Variants in CAPN5 observed in about 807,000 individuals in gnomAD.
CAPN5 encodes the protein calpain 5.
A neutral mutation model predicts 73.0 loss-of-function variants in CAPN5; 54 were observed. That is an observed-to-expected ratio of 0.74 (90% confidence interval 0.59 to 0.93). The LOEUF is 0.93. Ranked by LOEUF, CAPN5 falls within the 40% of genes least tolerant of loss-of-function variation. The pLI, the probability that CAPN5 is intolerant of heterozygous loss-of-function variation, is 0.00. For synonymous variants in CAPN5, 335 were observed against 356.9 expected (o/e 0.94, Z 0.69); for missense variants, 785 against 882.9 (o/e 0.89, Z 1.41).
intron 3 of CAPN5, among the ~76,000 whole-genome samples, chr11:77,096,299 G>A (rs1480081007): frequency 2.0e-5 from 3 of 152,094 alleles, no homozygotes; most frequent in Non-Finnish European, 2.9e-5. Flanking sequence ...CACAGGATTC[G>A]AAGCCAGCCT....
chr11:77,112,907 G>C, intron 4 of CAPN5, 110 bp downstream of exon 4: 1 of 1,017,162 alleles, frequency 9.8e-7, no homozygotes, highest in Non-Finnish European at 1.5e-6. Context: ...GAAGTGAGGG[G>C]CTGGTGCAGG....
chr11:77,103,278 G>A (rs200604796), intron 3 of CAPN5: 61 of 1,612,960 alleles, frequency 3.8e-5, no homozygotes, highest in Middle Eastern at 1.6e-4. Context: ...CACCTTTGGC[G>A]AGGGTGTGGA....
intron 4 of CAPN5, among the ~76,000 whole-genome samples, chr11:77,113,458 A>G (rs1279380438): frequency 6.6e-6 from 1 of 152,136 alleles, no homozygotes; most frequent in African/African-American, 2.4e-5. Flanking sequence ...GAGGAGGGGC[A>G]GTGGGGTCAG....
In CAPN5 at chr11:77,074,770, C is replaced by T. The variant is rs146215262; in HGVS notation, c.-36+7676C>T. Among the ~76,000 whole-genome samples, 68 of 152,298 alleles carry T rather than the reference C, an allele frequency of 4.5e-4. No homozygotes were observed. In the East Asian group the frequency reaches 9.3e-3, roughly 21 times the overall value. On this transcript the variant is annotated intron_variant, in intron 1 of 12. Coordinates refer to ENST00000648180, the MANE Select transcript of CAPN5 (RefSeq NM_004055.5). ...TTCGGCCGGCACTGGGTGATACTCA[C>T]TCTGCCAGGCCTGTGCTTTGCGCTG...
At chr11:77,108,527 C>G (rs1343804411) in intron 3 of CAPN5, among the ~76,000 whole-genome samples, 1 of 152,030 alleles carries the variant, frequency 6.6e-6, no homozygotes, top group Non-Finnish European at 1.5e-5. Context: ...GGCCAGGTGG[C>G]TGGTGTCCGT....
At chr11:77,090,681 G>T (rs539928909) in intron 2 of CAPN5, among the ~76,000 whole-genome samples, 1 of 152,194 alleles carries the variant, frequency 6.6e-6, no homozygotes, top group Non-Finnish European at 1.5e-5. Context: ...GTAAACCCTG[G>T]TGATGCCAGG....
At chr11:77,088,885 A>G (rs190263991) in intron 2 of CAPN5, among the ~76,000 whole-genome samples, 2 of 152,186 alleles carry the variant, frequency 1.3e-5, no homozygotes, top group East Asian at 3.9e-4. Flanking sequence ...ACAGGCTGGG[A>G]TGGGCTGAGC....
chr11:77,098,867 G>T (rs1403186850), intron 3 of CAPN5, among the ~76,000 whole-genome samples: 58 of 139,932 alleles, frequency 4.1e-4, no homozygotes, highest in African/African-American at 1.4e-3. Flanking sequence ...GTGGCTGCTG[G>T]GCGGAGACGC....
intron 3 of CAPN5, among the ~76,000 whole-genome samples, chr11:77,111,555 A>C (rs1490507677): frequency 6.6e-6 from 1 of 152,220 alleles, no homozygotes; most frequent in African/African-American, 2.4e-5. Context: ...CATAAGTAAT[A>C]AAATCAATGT....
intron 1 of CAPN5, among the ~76,000 whole-genome samples, chr11:77,074,160 A>G (rs1949942595): frequency 6.6e-6 from 1 of 152,220 alleles, no homozygotes; most frequent in South Asian, 2.1e-4. Context: ...GCAGCCACCA[A>G]ATGGAGTTTC....
chr11:77,091,740 A>T (rs3781685), intron 2 of CAPN5, among the ~76,000 whole-genome samples: 1 of 151,952 alleles, frequency 6.6e-6, no homozygotes, highest in Admixed American at 6.6e-5. Context: ...GGCCTTGGGG[A>T]GGGATGATTA....
At chr11:77,072,793 G>T (rs1452837151) in intron 1 of CAPN5, among the ~76,000 whole-genome samples, 1 of 152,218 alleles carries the variant, frequency 6.6e-6, no homozygotes, top group African/African-American at 2.4e-5. Context: ...TTGAGTCTAG[G>T]ACTGCCTGTA....
At chr11:77,088,003 A>C (rs1555035847) in intron 2 of CAPN5, 2 of 1,535,964 alleles carry the variant, frequency 1.3e-6, no homozygotes, top group Admixed American at 3.9e-5. Flanking sequence ...AGAATGGAGA[A>C]TGTCCCCAGG....
At chr11:77,103,653 G>A (rs568183179) in intron 3 of CAPN5, among the ~76,000 whole-genome samples, 1 of 152,304 alleles carries the variant, frequency 6.6e-6, no homozygotes, top group Non-Finnish European at 1.5e-5. Context: ...GCTTCATTGT[G>A]GGAGAGAGAG....
chr11:77,070,851 C>T (rs1211813277), intron 1 of CAPN5, among the ~76,000 whole-genome samples: 2 of 152,088 alleles, frequency 1.3e-5, no homozygotes, highest in African/African-American at 4.8e-5. Context: ...CAACATTGCC[C>T]CAGTCTCTGC....
intron 10 of CAPN5, 63 bp downstream of exon 10, chr11:77,120,972 G>C: frequency 1.3e-6 from 2 of 1,482,328 alleles, no homozygotes; most frequent in Non-Finnish European, 1.9e-6. Flanking sequence ...GGCCAACCAG[G>C]AACCTGCAGC....
At chr11:77,077,185 C>T (rs978808708) in intron 1 of CAPN5, among the ~76,000 whole-genome samples, 12 of 151,996 alleles carry the variant, frequency 7.9e-5, no homozygotes, top group African/African-American at 2.7e-4. Flanking sequence ...GGCGAAACCC[C>T]GTCTCTACTA....
intron 3 of CAPN5, among the ~76,000 whole-genome samples, chr11:77,109,888 G>A (rs1274520802): frequency 2.6e-5 from 4 of 152,160 alleles, no homozygotes; most frequent in Non-Finnish European, 5.9e-5. Flanking sequence ...TGATCCTCCC[G>A]AGGTCCTAGC....
chr11:77,118,754 C>T (rs930922871), intron 8 of CAPN5, among the ~76,000 whole-genome samples: 3 of 152,212 alleles, frequency 2.0e-5, no homozygotes, highest in South Asian at 2.1e-4. Context: ...TGACCCGTGG[C>T]GCTGCTTAGC....
Sources: allele counts gnomAD v4.1 joint callset (sites outside exome capture counted in the v4.1 genomes callset), GRCh38; gene constraint gnomAD v4.1.1; transcripts MANE v1.5; gene names NCBI Gene and HGNC (gene_info 2026-07-23, HGNC 2026-07-21).